The following CDC25B variants were observed in gnomAD, a reference collection of about 807,000 sequenced individuals.
CDC25B encodes the protein cell division cycle 25B.
Under a neutral mutation model 69.8 loss-of-function variants are expected in CDC25B, and 33 were observed. The ratio of observed to expected loss-of-function variants is 0.47; its 90% CI spans 0.36 to 0.63. CDC25B has a LOEUF of 0.63. Ranked by LOEUF, CDC25B falls within the 30% of genes least tolerant of loss-of-function variation. The pLI is 0.00. For missense variants in CDC25B, 727 were observed against 809.1 expected (o/e 0.90, Z 1.23); for synonymous variants, 341 against 314.6 (o/e 1.08, Z -0.89).
chr20:3,799,242 A>G (rs561944603), intron 3 of CDC25B, among the ~76,000 whole-genome samples: 1 of 152,264 alleles, frequency 6.6e-6, no homozygotes, highest in South Asian at 2.1e-4. Context: ...AGATTGGTTC[A>G]CAAACAGGAA....
Position 3,796,708 on chromosome 20 carries a change from G to C in CDC25B, c.177G>C (p.Met59Ile), listed in dbSNP as rs1357841475. ...SSPVTTLTQT[M>I]HDLAGLGSET... is the part of the protein sequence containing the mutation. ...CGGTCACCACCCTCACCCAGACCAT[G>C]CACGACCTCGCCGGGCTCGGCAGGT... Residue 59 changes from methionine to isoleucine, a missense_variant, in exon 1 of 16, where the codon ATG (methionine) becomes ATC (isoleucine). By Grantham distance (10) the Met-to-Ile change is conservative. Coordinates refer to ENST00000245960, the MANE Select transcript of CDC25B (RefSeq NM_021873.4). 1 of 1,568,796 alleles carries C rather than the reference G, an allele frequency of 6.4e-7. No individual in the cohort carries two copies. The highest frequency in any genetic ancestry group is 1.4e-5 in the African/African-American group (1 of 72,236).
chr20:3,801,946 G>T lies in CDC25B; in HGVS notation c.944G>T (p.Cys315Phe). 6.2e-7 allele frequency: 1 copy of T among 1,612,462 alleles called. No homozygotes were observed. The highest frequency in any genetic ancestry group is 8.5e-7 in the Non-Finnish European group (1 of 1,179,186). The change falls in exon 10 of 16, where the codon TGC becomes TTC. Residue 315 changes from cysteine (C) to phenylalanine (F), a missense_variant. Coordinates refer to ENST00000245960, the MANE Select transcript of CDC25B (RefSeq NM_021873.4). ...EEKDLVMYSK[C>F]QRLFRSPSMP... Reference sequence around the variant, plus strand: ...CAGGACCTCGTCATGTACAGCAAGTGCCAGCGGCTCTTCCGCTCTCCGTCC... The same window carrying T: ...CAGGACCTCGTCATGTACAGCAAGTTCCAGCGGCTCTTCCGCTCTCCGTCC...
intron 2 of CDC25B, among the ~76,000 whole-genome samples, chr20:3,798,105 A>T (rs1257440979): frequency 1.3e-5 from 2 of 152,166 alleles, no homozygotes; most frequent in Non-Finnish European, 2.9e-5. Context: ...TTCTTTAAAA[A>T]TCTGTTGTCT....
intron 3 of CDC25B, among the ~76,000 whole-genome samples, chr20:3,799,511 TGTGTGTGTGTGTGTGC>T (rs200172937): frequency 0.16 from 20,435 of 130,722 alleles, 1,715 homozygotes; most frequent in East Asian, 0.36. Flanking sequence ...TGTGTGTGTG[TGTGTGTGTGTGTGTGC>T]GCGCGCGCGC....
exon 1 of CDC25B, chr20:3,787,122 A>C: frequency 1.5e-6 from 1 of 662,546 alleles, no homozygotes; most frequent in Non-Finnish European, 2.7e-6. Context: ...TTTTCACGTC[A>C]CCTGGAGAGA....
Position 3,797,734 on chromosome 20 carries a change from G to A in CDC25B, c.313G>A (p.Glu105Lys), listed in dbSNP as rs199501910. Residue 105 changes from glutamate to lysine, a missense_variant, in exon 2 of 16, where the codon GAA (glutamate) becomes AAA (lysine). Physicochemically the swap from Glu to Lys is moderately conservative, Grantham distance 56. This residue lies in a region of CDC25B where 368 missense variants were observed against 345.6 expected (regional missense o/e 1.06). Coordinates refer to ENST00000245960, the MANE Select transcript of CDC25B (RefSeq NM_021873.4). Reference sequence around the variant, plus strand: ...ATCCTCCCTGTCGTCTGAATCCTCCGAATCTTCTGATGCAGGTGAGGCCCA... The same window carrying A: ...ATCCTCCCTGTCGTCTGAATCCTCCAAATCTTCTGATGCAGGTGAGGCCCA... Reference protein sequence around the residue: ...SESSLSSESSESSDAGLCMDS... With the variant: ...SESSLSSESSKSSDAGLCMDS... 50 of 1,614,010 alleles carry A rather than the reference G, an allele frequency of 3.1e-5. 1 individual carries two copies. The highest frequency in any genetic ancestry group is 6.7e-5 in the African/African-American group (5 of 75,042).
chr20:3,801,919 G>T lies in CDC25B; in HGVS notation c.922-5G>T. On this transcript the variant is annotated splice_polypyrimidine_tract_variant and splice_region_variant and intron_variant, in intron 9 of 15. Coordinates refer to ENST00000245960, the MANE Select transcript of CDC25B (RefSeq NM_021873.4). ...CCCTGATCCCTAACCTGCTGTCCCT[G>T]CCAGGACCTCGTCATGTACAGCAAG... 1 of 1,606,394 alleles carries T rather than the reference G, an allele frequency of 6.2e-7. No individual in the cohort carries two copies.
chr20:3,800,189 G>A (rs915489717), intron 3 of CDC25B, 99 bp from the exon 4 acceptor site: 3 of 555,784 alleles, frequency 5.4e-6, no homozygotes, highest in Non-Finnish European at 5.2e-6. Context: ...CTTGGCCCTT[G>A]TCTTTGCCCT....
At chr20:3,798,340 T>TAAA in intron 2 of CDC25B, 72 bp from the exon 3 acceptor site, 7 of 532,090 alleles carry the variant, frequency 1.3e-5, no homozygotes, top group Middle Eastern at 3.4e-4. Flanking sequence ...TTTTTTTTCA[T>TAAA]ATTGGGACAT....
chr20:3,802,154 C>A, intron 10 of CDC25B, 54 bp downstream of exon 10: 1 of 1,540,262 alleles, frequency 6.5e-7, no homozygotes, highest in African/African-American at 1.4e-5. Flanking sequence ...CAGCCACCCC[C>A]TTGGCTAAGT....
intron 14 of CDC25B, among the ~76,000 whole-genome samples, chr20:3,804,165 G>C (rs936141122): frequency 2.6e-5 from 4 of 152,190 alleles, no homozygotes; most frequent in African/African-American, 7.2e-5. Context: ...CCGGGCCTGG[G>C]CACTGGCTTC....
rs138238089 is a variant in CDC25B, at chr20:3,797,091, T to C, written c.200+360T>C. ...GAATCTCAAGCCTGGAGAGGGAACT[T>C]AAGGGTGGCAGAGCCGTGGAGCACT... On this transcript the variant is annotated intron_variant, in intron 1 of 15. Coordinates refer to ENST00000245960, the MANE Select transcript of CDC25B (RefSeq NM_021873.4). 5.3e-5 allele frequency among the ~76,000 whole-genome samples: 8 copies of C among 152,298 alleles called. No homozygotes were observed. In the East Asian group the frequency reaches 1.5e-3, roughly 29 times the overall value.
At chr20:3,792,316 C>T (rs775130183), upstream of CDC25B, among the ~76,000 whole-genome samples, 2 of 151,360 alleles carry the variant, frequency 1.3e-5, no homozygotes, top group Non-Finnish European at 2.9e-5. Context: ...GGCCATTGAA[C>T]TATTAATTTA....
At position 3,806,048 on chromosome 20, in the gene CDC25B, T is replaced by G; in HGVS notation, c.*1087T>G. 1 of 398,010 alleles carries G rather than the reference T, an allele frequency of 2.5e-6. No individual in the cohort carries two copies. The highest frequency in any genetic ancestry group is 4.4e-6 in the Non-Finnish European group (1 of 225,870). 24.7% of individuals were successfully genotyped at this position (398,010 alleles called of 1,614,324 possible). On this transcript the variant is annotated 3_prime_UTR_variant, in exon 16 of 16. Coordinates refer to ENST00000245960, the MANE Select transcript of CDC25B (RefSeq NM_021873.4). ...GAATCTCAAGATGGGGGCAGGGCTGTGCTTGAAGGCCCTGCTGAGTCATCT... is the reference window on the plus strand; with the variant it reads ...GAATCTCAAGATGGGGGCAGGGCTGGGCTTGAAGGCCCTGCTGAGTCATCT...
intron 8 of CDC25B, 39 bp downstream of exon 8, chr20:3,801,427 C>T (rs1202096639): frequency 1.9e-6 from 3 of 1,553,846 alleles, no homozygotes; most frequent in Non-Finnish European, 2.6e-6. Flanking sequence ...ACCTTCCTAT[C>T]CCTGGGTTCG....
upstream of CDC25B, among the ~76,000 whole-genome samples, chr20:3,794,716 A>T (rs1282867076): frequency 6.6e-6 from 1 of 152,010 alleles, no homozygotes; most frequent in Non-Finnish European, 1.5e-5. Context: ...ATTTGGAGAA[A>T]AGGAAAGGTC....
intron 14 of CDC25B, 151 bp from the exon 15 acceptor site, chr20:3,804,417 AC>A (rs2089401241): frequency 1.6e-6 from 1 of 630,646 alleles, no homozygotes; most frequent in African/African-American, 1.8e-5. Context: ...AGCCAGAGTG[AC>A]CTAAAAGTGT....
At chr20:3,800,232 G>C in intron 3 of CDC25B, 56 bp from the exon 4 acceptor site, 1 of 1,569,650 alleles carries the variant, frequency 6.4e-7, no homozygotes, top group Non-Finnish European at 8.8e-7. Context: ...CTGGTGCTGG[G>C]GTGGGTGATG....
chr20:3,804,155 C>G (rs2089390656), intron 14 of CDC25B, among the ~76,000 whole-genome samples: 1 of 152,244 alleles, frequency 6.6e-6, no homozygotes, highest in African/African-American at 2.4e-5. Context: ...CACCTGGGCA[C>G]CGGGCCTGGG....
Sources: gnomAD v4.1 joint callset for allele counts (sites outside exome capture counted in the v4.1 genomes callset) on GRCh38, gnomAD v4.1.1 for gene constraint, gnomAD v4.1.1 regional missense constraint, MANE v1.5 for transcripts, NCBI Gene and HGNC (gene_info 2026-07-23, HGNC 2026-07-21) for gene names.